The following RGS5 variants were observed in gnomAD, a reference collection of about 807,000 sequenced individuals.
RGS5 encodes regulator of G-protein signalling 5.
A neutral mutation model predicts 18.9 loss-of-function variants in RGS5; 20 were observed. The ratio of observed to expected loss-of-function variants is 1.06; its 90% confidence interval spans 0.74 to 1.54. The LOEUF (loss-of-function observed/expected upper bound fraction) is 1.54. Ranked by LOEUF, RGS5 falls within the 40% of genes most tolerant of loss-of-function variation. The pLI is 0.00. For synonymous variants in RGS5, 57 were observed against 76.2 expected (o/e 0.75, Z 1.31); for missense variants, 201 against 211.8 (o/e 0.95, Z 0.32).
upstream of RGS5, among the ~76,000 whole-genome samples, chr1:163,218,508 T>C (rs188536342): frequency 1.5e-4 from 23 of 148,970 alleles, no homozygotes; most frequent in Non-Finnish European, 2.8e-4. Context: ...TATTACATCA[T>C]GTGTTTTTAA....
chr1:163,190,825 A>G (rs1659314827), intron 1 of RGS5, among the ~76,000 whole-genome samples: 1 of 152,202 alleles, frequency 6.6e-6, no homozygotes, highest in South Asian at 2.1e-4. Context: ...GCAGTGGCCA[A>G]TTGCCTGGCT....
chr1:163,225,904 G>A (rs1256674608), intron 2 of RGS5, among the ~76,000 whole-genome samples: 1 of 146,768 alleles, frequency 6.8e-6, no homozygotes, highest in Non-Finnish European at 1.5e-5. Flanking sequence ...ATTCAGTTAG[G>A]AGGTCAAAAT....
rs922018273 is a variant in RGS5 at position 163,143,116 on chromosome 1, T to C, written c.*4226A>G. ...GATGCTGGGAAAGCCTTTCTTTAAA[T>C]AGTCATTGCTCTCGTTTGCCTCAGA... On this transcript the variant is annotated 3_prime_UTR_variant, in exon 5 of 5. Transcript: ENST00000313961. 4.6e-5 allele frequency: 7 copies of C among 152,314 alleles called. No homozygotes were observed. The highest frequency in any genetic ancestry group is 3.4e-3 in the Middle Eastern group (1 of 294). The allele number at this position is 152,314 out of a possible 1,614,324, so 9.4% of individuals were successfully genotyped here. A position where few individuals can be genotyped will look rare whatever the true frequency, so the allele number is the denominator to read the frequency against.
chr1:163,218,259 T>C (rs920989508), upstream of RGS5, among the ~76,000 whole-genome samples: 2 of 152,216 alleles, frequency 1.3e-5, no homozygotes, highest in African/African-American at 4.8e-5. Flanking sequence ...TTCATTAACC[T>C]CTAACTGAAA....
intron 1 of RGS5, among the ~76,000 whole-genome samples, chr1:163,217,316 C>T (rs748650189): frequency 6.6e-6 from 1 of 152,122 alleles, no homozygotes; most frequent in African/African-American, 2.4e-5. Flanking sequence ...GGCCTTTACT[C>T]TGGGTTTTTT....
chr1:163,168,187 G>T, intron 2 of RGS5, 71 bp downstream of exon 2: 1 of 1,114,230 alleles, frequency 9.0e-7, no homozygotes, highest in Non-Finnish European at 1.4e-6. Flanking sequence ...TACAGATGAG[G>T]AATGGTGCTA....
At chr1:163,304,594 T>C (rs1043656215) in intron 2 of RGS5, 1 of 152,260 alleles carries the variant, frequency 6.6e-6, no homozygotes, top group Non-Finnish European at 1.5e-5. Context: ...AGTAAAGTAC[T>C]TCTCTGGCTG....
At chr1:163,217,347 T>C (rs887097798) in intron 1 of RGS5, among the ~76,000 whole-genome samples, 1 of 152,186 alleles carries the variant, frequency 6.6e-6, no homozygotes, top group African/African-American at 2.4e-5. Flanking sequence ...ACACTGATTG[T>C]TGAAGAACGG....
intron 2 of RGS5, among the ~76,000 whole-genome samples, chr1:163,262,925 G>A (rs1208052463): frequency 1.3e-5 from 2 of 152,060 alleles, no homozygotes; most frequent in Non-Finnish European, 2.9e-5. Flanking sequence ...GCATCTATTT[G>A]AGTAGTGGTA....
chr1:163,268,642 C>A (rs1299340552), intron 2 of RGS5, among the ~76,000 whole-genome samples: 1 of 152,092 alleles, frequency 6.6e-6, no homozygotes, highest in Non-Finnish European at 1.5e-5. Context: ...ACCTCAGGAC[C>A]ACCTACCTGA....
intron 1 of RGS5, among the ~76,000 whole-genome samples, chr1:163,307,165 A>G (rs1649724574): frequency 6.6e-6 from 1 of 152,182 alleles, no homozygotes; most frequent in Non-Finnish European, 1.5e-5. Flanking sequence ...AGGTTCCTCA[A>G]AGCATGGTTT....
intron 2 of RGS5, among the ~76,000 whole-genome samples, chr1:163,285,918 C>G (rs552891968): frequency 1.3e-5 from 2 of 151,950 alleles, no homozygotes; most frequent in South Asian, 2.1e-4. Context: ...GATTATATCT[C>G]TTTTCTTAAT....
intron 2 of RGS5, among the ~76,000 whole-genome samples, chr1:163,263,180 T>C (rs1648496860): frequency 1.3e-5 from 2 of 152,206 alleles, no homozygotes; most frequent in African/African-American, 4.8e-5. Context: ...ATTTCTGCAA[T>C]TTCAATTTTC....
intron 2 of RGS5, among the ~76,000 whole-genome samples, chr1:163,255,310 C>T (rs572322615): frequency 6.6e-6 from 1 of 152,226 alleles, no homozygotes; most frequent in Non-Finnish European, 1.5e-5. Flanking sequence ...TGTTTGTATC[C>T]TCTTTTATTT....
chr1:163,169,066 T>C (rs577472139), intron 1 of RGS5, among the ~76,000 whole-genome samples: 5 of 145,638 alleles, frequency 3.4e-5, no homozygotes, highest in Admixed American at 2.8e-4. Context: ...CCTGTGTCCA[T>C]GTGTTCTCAT....
intron 2 of RGS5, among the ~76,000 whole-genome samples, chr1:163,303,469 CAACT>C (rs1649616818): frequency 6.6e-6 from 1 of 152,268 alleles, no homozygotes; most frequent in South Asian, 2.1e-4. Context: ...CCAAATCACA[CAACT>C]AACACTCAAT....
chr1:163,237,182 G>C (rs1027331990), intron 2 of RGS5: 3 of 152,286 alleles, frequency 2.0e-5, no homozygotes, highest in Non-Finnish European at 4.4e-5. Flanking sequence ...GCATCGGCGG[G>C]GTCCCTGTGA....
chr1:163,208,192 C>CAA (rs1217917139), intron 1 of RGS5, among the ~76,000 whole-genome samples: 1 of 150,812 alleles, frequency 6.6e-6, no homozygotes, highest in African/African-American at 2.4e-5. Context: ...ACTAAAAATA[C>CAA]AAAAAATTAG....
At chr1:163,300,123 A>G (rs749503606) in intron 2 of RGS5, among the ~76,000 whole-genome samples, 25 of 152,352 alleles carry the variant, frequency 1.6e-4, no homozygotes, top group Middle Eastern at 3.4e-3. Context: ...AAAGATGAGC[A>G]GAAAAGAGGG....
Sources: allele counts gnomAD v4.1 joint callset (sites outside exome capture counted in the v4.1 genomes callset), GRCh38; gene constraint gnomAD v4.1.1; transcripts MANE v1.5; gene names NCBI Gene and HGNC (gene_info 2026-07-23, HGNC 2026-07-21).